Variants in CACNA1E observed in about 807,000 individuals in gnomAD.
The protein encoded by CACNA1E is calcium voltage-gated channel subunit alpha1 E, also known as voltage-dependent R-type calcium channel subunit alpha-1E.
A neutral mutation model predicts 259.2 loss-of-function variants in CACNA1E; 40 were observed. The ratio of observed to expected loss-of-function variants is 0.15; its 90% confidence interval spans 0.12 to 0.20. CACNA1E has a LOEUF of 0.20. CACNA1E is among the 10% of genes least tolerant of loss of function. The pLI is 1.00. For missense variants in CACNA1E, 1,874 were observed against 3,040.1 expected (o/e 0.62, Z 9.02); for synonymous variants, 1,104 against 1,138.5 (o/e 0.97, Z 0.61).
intron 19 of CACNA1E, 94 bp downstream of exon 19, chr1:181,731,325 T>C: frequency 1.1e-6 from 1 of 942,440 alleles, no homozygotes; most frequent in East Asian, 2.5e-5. Context: ...TGGCACTGGG[T>C]GTGCATGTCA....
chr1:181,423,676 T>G (rs1365319723), intron 2 of CACNA1E, among the ~76,000 whole-genome samples: 1 of 151,178 alleles, frequency 6.6e-6, no homozygotes, highest in Non-Finnish European at 1.5e-5. Flanking sequence ...TTTTTTTTTT[T>G]TTGCTGGCCT....
rs554008702 is a variant in CACNA1E, at chr1:181,352,758, G to A, written c.-15+34635G>A. ...GGTGGTGGTTGTGATTGGAGGGTGC[G>A]GGCTCTTGACTGTAAGTGCCTGGGG... On this transcript the variant is annotated intron_variant, in intron 1 of 11. Transcript: ENST00000524607. 5.3e-5 allele frequency among the ~76,000 whole-genome samples: 8 copies of A among 152,232 alleles called. No homozygotes were observed. The South Asian group carries it at 8.3e-4, about 16-fold the overall frequency.
At chr1:181,540,322 G>T (rs1668487677) in intron 3 of CACNA1E, among the ~76,000 whole-genome samples, 1 of 152,064 alleles carries the variant, frequency 6.6e-6, no homozygotes, top group African/African-American at 2.4e-5. Context: ...TAATCTCTGT[G>T]CTCTATGGCA....
intron 1 of CACNA1E, among the ~76,000 whole-genome samples, chr1:181,504,554 T>A (rs1418616105): frequency 6.6e-6 from 1 of 152,196 alleles, no homozygotes; most frequent in Non-Finnish European, 1.5e-5. Flanking sequence ...CCCAAGCATG[T>A]ACCTACAGAT....
At position 181,758,196 on chromosome 1, in the gene CACNA1E, G is replaced by C; in HGVS notation, c.4494+85G>C. The C allele has an allele frequency of 8.5e-7, 1 of 1,169,642 alleles. No homozygotes were observed. The highest frequency in any genetic ancestry group is 1.2e-6 in the Non-Finnish European group (1 of 804,508). The allele number at this position is 1,169,642 out of a possible 1,614,324, so 72.5% of individuals were successfully genotyped here. A position where few individuals can be genotyped will look rare whatever the true frequency, so the allele number is the denominator to read the frequency against. ...AGTGGGAAGACACCCCAACATCCCA[G>C]CCCATCACTGCTTTACCTACTTTTC... is the stretch of plus-strand genomic sequence containing the variant. On this transcript the variant is annotated intron_variant, in intron 31 of 47. Transcript: ENST00000367573. The surrounding 1 kb of genome is among the most constrained non-coding windows in gnomAD (Gnocchi z 4.2).
At chr1:181,554,787 C>T (rs1398680418) in intron 3 of CACNA1E, among the ~76,000 whole-genome samples, 1 of 152,150 alleles carries the variant, frequency 6.6e-6, no homozygotes, top group Non-Finnish European at 1.5e-5. Context: ...GACATTTGCT[C>T]AGGTTTTAAG....
At chr1:181,459,843 A>G (rs539578105) in intron 2 of CACNA1E, among the ~76,000 whole-genome samples, 16 of 152,200 alleles carry the variant, frequency 1.1e-4, no homozygotes, top group Non-Finnish European at 2.2e-4. Flanking sequence ...TGGAGAGGAA[A>G]TTAACTCCCT....
rs953770566 is a variant in CACNA1E, at chr1:181,370,124, T to TA, written c.-14-43000dup. On this transcript the variant is annotated intron_variant, in intron 1 of 11. Coordinates refer to the CACNA1E transcript ENST00000524607. ...AGACTAGGACATTCAGGGGTGTGGT[T>TA]AAAAAAAAACAAAATTAAAATACAA... is the stretch of plus-strand genomic sequence containing the variant. 2.9e-3 allele frequency among the ~76,000 whole-genome samples: 445 copies of TA among 150,858 alleles called. 4 individuals carry two copies. Among genetic ancestry groups the TA allele is most frequent in the African/African-American group, 7.8e-3 (319 of 41,090 alleles).
intron 2 of CACNA1E, among the ~76,000 whole-genome samples, chr1:181,426,357 A>G (rs1013796395): frequency 3.3e-5 from 5 of 151,142 alleles, no homozygotes; most frequent in Non-Finnish European, 5.9e-5. Context: ...CCCTAACTCA[A>G]CCCAGCTCAT....
At position 181,648,712 on chromosome 1, in the gene CACNA1E, C is replaced by T. The variant is rs566297419; in HGVS notation, c.952-2626C>T. 1.4e-4 allele frequency among the ~76,000 whole-genome samples: 22 copies of T among 152,320 alleles called. 1 individual carries two copies. The highest frequency in any genetic ancestry group is 2.1e-4 in the South Asian group (1 of 4,824). ...TTACAGCATCCCTGGCAAGTAGTCA[C>T]CCAAGTGAAATTGCTCTGAGCCACC... On this transcript the variant is annotated intron_variant, in intron 6 of 47. Transcript: ENST00000367573.
At chr1:181,590,573 C>T (rs998055331) in intron 6 of CACNA1E, among the ~76,000 whole-genome samples, 3 of 152,114 alleles carry the variant, frequency 2.0e-5, no homozygotes, top group African/African-American at 7.2e-5. Context: ...GGGATATCTT[C>T]TGACTTTTGT....
At chr1:181,614,838 C>G (rs533798440) in intron 6 of CACNA1E, among the ~76,000 whole-genome samples, 6 of 152,220 alleles carry the variant, frequency 3.9e-5, no homozygotes, top group African/African-American at 1.4e-4. Flanking sequence ...TTTGATATTT[C>G]TAGGTTACAC....
intron 1 of CACNA1E, among the ~76,000 whole-genome samples, chr1:181,490,624 G>T (rs12060765): frequency 0.074 from 10,768 of 145,774 alleles, 729 homozygotes; most frequent in African/African-American, 0.18. Flanking sequence ...CTATATTTTT[G>T]TGTGTGTGCT....
intron 7 of CACNA1E, 94 bp from the exon 8 acceptor site, chr1:181,710,860 T>A: frequency 2.3e-6 from 2 of 883,570 alleles, no homozygotes; most frequent in Non-Finnish European, 3.8e-6. Flanking sequence ...ATAGAGGTAC[T>A]TGCTCAGATG....
chr1:181,661,879 A>G lies in CACNA1E; in HGVS notation c.1055+10438A>G, dbSNP rs1016582000. On this transcript the variant is annotated intron_variant, in intron 7 of 47. Transcript: ENST00000367573. ...TTTGGACTGAGATCTACTAGGCACA[A>G]ACACCTATGCTTTTAAGCAGATCCT... Among the ~76,000 whole-genome samples the G allele has an allele frequency of 2.6e-5, 4 of 152,342 alleles. No individual in the cohort carries two copies. In the South Asian group the frequency reaches 6.2e-4, roughly 24 times the overall value.
At chr1:181,445,947 C>G (rs581582) in intron 2 of CACNA1E, among the ~76,000 whole-genome samples, 4 of 152,162 alleles carry the variant, frequency 2.6e-5, no homozygotes, top group Non-Finnish European at 5.9e-5. Flanking sequence ...ACACTGGGCA[C>G]CCCAGCACTT....
rs147854946 is a variant in CACNA1E at position 181,561,561 on chromosome 1, T to C, written c.513-16205T>C. On this transcript the variant is annotated intron_variant, in intron 3 of 47. Coordinates refer to ENST00000367573, the MANE Select transcript of CACNA1E (RefSeq NM_001205293.3). ...AAGAGGAGTCTACAGCCTTTTTGGCTTCTTGCACTTTGCATAATGCTTTTG... is the reference window on the plus strand; with the variant it reads ...AAGAGGAGTCTACAGCCTTTTTGGCCTCTTGCACTTTGCATAATGCTTTTG... Among the ~76,000 whole-genome samples, 1,354 of 152,332 alleles carry C rather than the reference T, an allele frequency of 8.9e-3. 12 individuals carry two copies. Among genetic ancestry groups the C allele is most frequent in the Non-Finnish European group, 0.011 (747 of 68,016 alleles).
chr1:181,469,115 T>A (rs1230267119), intron 2 of CACNA1E, among the ~76,000 whole-genome samples: 2 of 152,168 alleles, frequency 1.3e-5, no homozygotes, highest in African/African-American at 4.8e-5. Context: ...TACAAGCGCT[T>A]CAATTTTATT....
chr1:181,550,704 C>G (rs1016060082), intron 3 of CACNA1E, among the ~76,000 whole-genome samples: 1 of 151,740 alleles, frequency 6.6e-6, no homozygotes, highest in African/African-American at 2.4e-5. Context: ...TGTTCCCTTG[C>G]TAGAAATAAA....
Sources: gnomAD v4.1 joint callset for allele counts (sites outside exome capture counted in the v4.1 genomes callset) on GRCh38, gnomAD v4.1.1 for gene constraint, Gnocchi (gnomAD v3.1) non-coding constraint, MANE v1.5 for transcripts, NCBI Gene and HGNC (gene_info 2026-07-23, HGNC 2026-07-21) for gene names.